The following GPC3 variants were observed in gnomAD, a reference collection of about 807,000 sequenced individuals.
GPC3 encodes the protein glypican 3.
A neutral mutation model predicts 34.4 loss-of-function variants in GPC3; 3 were observed. That is an observed-to-expected ratio of 0.09 (90% CI 0.04 to 0.23). GPC3 has a LOEUF of 0.23. Ranked by LOEUF, GPC3 falls within the 10% of genes least tolerant of loss-of-function variation. The pLI, the probability that GPC3 is intolerant of heterozygous loss-of-function variation, is 1.00. For synonymous variants in GPC3, 177 were observed against 174.0 expected (o/e 1.02, Z -0.13); for missense variants, 351 against 445.6 (o/e 0.79, Z 1.91).
At chrX:133,549,786 C>T (rs1421095071) in intron 7 of GPC3, among the ~76,000 whole-genome samples, 1 of 94,797 alleles carries the variant, frequency 1.1e-5, no homozygotes, top group African/African-American at 3.9e-5. Flanking sequence ...TCTCTCCCTC[C>T]CTCCCTGTCC....
At chrX:133,916,699 G>T (rs1166327390) in intron 2 of GPC3, among the ~76,000 whole-genome samples, 1 of 111,117 alleles carries the variant, frequency 9.0e-6, no homozygotes, top group East Asian at 2.8e-4. Flanking sequence ...GGTAACACAG[G>T]AAGACCCAAT....
At chrX:133,743,690 G>T (rs989164606) in intron 3 of GPC3, among the ~76,000 whole-genome samples, 1 of 112,242 alleles carries the variant, frequency 8.9e-6, no homozygotes, top group African/African-American at 3.2e-5. Context: ...CCCCCACAAG[G>T]TAGGAGGCTA....
chrX:133,555,078 T>G (rs1370884758), intron 7 of GPC3, among the ~76,000 whole-genome samples: 1 of 111,179 alleles, frequency 9.0e-6, no homozygotes, highest in Non-Finnish European at 1.9e-5. Context: ...TGAGAAAGAG[T>G]CTTACTCTAT....
chrX:133,658,347 C>G (rs949318519), intron 6 of GPC3, among the ~76,000 whole-genome samples: 1 of 112,171 alleles, frequency 8.9e-6, no homozygotes, highest in African/African-American at 3.2e-5. Flanking sequence ...ATAATGAGTT[C>G]TTGAAAAGAT....
intron 2 of GPC3, among the ~76,000 whole-genome samples, chrX:133,880,980 C>T (rs1249539456): frequency 8.9e-6 from 1 of 112,079 alleles, no homozygotes; most frequent in Non-Finnish European, 1.9e-5. Context: ...TACTTGTTTA[C>T]AGCAAGTAAC....
chrX:133,796,867 C>A (rs1248502168), intron 2 of GPC3, among the ~76,000 whole-genome samples: 1 of 111,281 alleles, frequency 9.0e-6, no homozygotes, highest in Non-Finnish European at 1.9e-5. Flanking sequence ...CCCCATAGTA[C>A]CCCAGCCCTA....
intron 3 of GPC3, among the ~76,000 whole-genome samples, chrX:133,742,222 G>T (rs2071570147): frequency 8.9e-6 from 1 of 111,842 alleles, no homozygotes; most frequent in African/African-American, 3.3e-5. Context: ...GAAAAGGGAT[G>T]GGCTTAGTGT....
At chrX:133,732,416 G>A (rs1055580512) in intron 3 of GPC3, among the ~76,000 whole-genome samples, 2 of 111,625 alleles carry the variant, frequency 1.8e-5, no homozygotes, top group Non-Finnish European at 3.8e-5. Flanking sequence ...AGGTTAGTTC[G>A]TCTGGGCTGC....
At chrX:133,926,332 T>TA (rs1306705701) in intron 2 of GPC3, among the ~76,000 whole-genome samples, 2 of 111,912 alleles carry the variant, frequency 1.8e-5, no homozygotes, top group East Asian at 5.6e-4. Context: ...GGAGTTTAAA[T>TA]AAACTTCATT....
At chrX:133,695,073 G>A (rs190115194) in intron 4 of GPC3, among the ~76,000 whole-genome samples, 5 of 111,825 alleles carry the variant, frequency 4.5e-5, no homozygotes, top group African/African-American at 1.3e-4. Context: ...GGCTGGGGAG[G>A]CCTCAGGAAA....
intron 2 of GPC3, among the ~76,000 whole-genome samples, chrX:133,885,351 C>A (rs2076057568): frequency 9.0e-6 from 1 of 111,360 alleles, no homozygotes; most frequent in Admixed American, 9.6e-5. Context: ...TTGGATTTCC[C>A]TTATATATGA....
chrX:133,567,357 C>T (rs1022627260), intron 7 of GPC3, among the ~76,000 whole-genome samples: 4 of 112,419 alleles, frequency 3.6e-5, no homozygotes, highest in Admixed American at 2.8e-4. Flanking sequence ...ATGTCCCACA[C>T]GTTTTAAAAT....
At position 133,755,768 on chromosome X, in the gene GPC3, A is replaced by G. The variant is rs767078768; in HGVS notation, c.338-1592T>C. Among the ~76,000 whole-genome samples, 6 of 111,856 alleles carry G rather than the reference A, an allele frequency of 5.4e-5. No homozygotes were observed. In the South Asian group the frequency reaches 1.5e-3, roughly 28 times the overall value. On this transcript the variant is annotated intron_variant, in intron 2 of 7. Coordinates refer to ENST00000370818, the MANE Select transcript of GPC3 (RefSeq NM_004484.4). ...GTTTAGAACATTAAGCAATTCCTAG[A>G]AAGTTGCTCTATCTTATAACAACTC...
At chrX:133,890,204 G>A (rs907257777) in intron 2 of GPC3, among the ~76,000 whole-genome samples, 1 of 111,506 alleles carries the variant, frequency 9.0e-6, no homozygotes, top group Admixed American at 9.6e-5. Context: ...ACTATTTTAA[G>A]AGCTGTACAG....
chrX:133,621,349 A>G (rs1251569147), intron 6 of GPC3, among the ~76,000 whole-genome samples: 1 of 111,830 alleles, frequency 8.9e-6, no homozygotes, highest in Non-Finnish European at 1.9e-5. Context: ...GAAGCAGGGC[A>G]GGGCATCACC....
chrX:133,545,875 C>T (rs2069379942), intron 7 of GPC3, among the ~76,000 whole-genome samples: 1 of 107,139 alleles, frequency 9.3e-6, no homozygotes, highest in Admixed American at 1.0e-4. Context: ...AATGGAGACA[C>T]AAAATGTGGT....
At chrX:133,767,238 G>A (rs2071857283) in intron 2 of GPC3, among the ~76,000 whole-genome samples, 1 of 111,507 alleles carries the variant, frequency 9.0e-6, no homozygotes, top group Non-Finnish European at 1.9e-5. Context: ...CTACAACTTG[G>A]GTAAGATGTG....
intron 2 of GPC3, among the ~76,000 whole-genome samples, chrX:133,807,703 CTTA>C (rs756224336): frequency 8.9e-6 from 1 of 112,366 alleles, no homozygotes; most frequent in African/African-American, 3.2e-5. Context: ...GCATTGAGCA[CTTA>C]TTATGTGGCC....
At chrX:133,959,700 T>C (rs2076433835) in intron 1 of GPC3, among the ~76,000 whole-genome samples, 1 of 112,544 alleles carries the variant, frequency 8.9e-6, no homozygotes, top group Non-Finnish European at 1.9e-5. Flanking sequence ...CTTAGTCTTT[T>C]TGATACAAAG....
Sources: gnomAD v4.1 joint callset for allele counts (sites outside exome capture counted in the v4.1 genomes callset) on GRCh38, gnomAD v4.1.1 for gene constraint, MANE v1.5 for transcripts, NCBI Gene and HGNC (gene_info 2026-07-23, HGNC 2026-07-21) for gene names.